CELSR3: variants seen among roughly 807,000 people sequenced by gnomAD.
The protein encoded by CELSR3 is cadherin EGF LAG seven-pass G-type receptor 3, also known as EGF-like protein 1.
A neutral mutation model predicts 270.0 loss-of-function variants in CELSR3; 73 were observed. The observed-to-expected ratio is 0.27, with a 90% CI of 0.22 to 0.33. The LOEUF is 0.33. CELSR3 is among the 10% of genes least tolerant of loss of function. The pLI is 1.00. For synonymous variants in CELSR3, 1,780 were observed against 1,905.4 expected (o/e 0.93, Z 1.71); for missense variants, 3,614 against 4,533.8 (o/e 0.80, Z 5.83).
chr3:48,648,040 C>G (rs73830469), intron 19 of CELSR3, 44 bp from the exon 20 acceptor site: 2 of 1,604,598 alleles, frequency 1.2e-6, no homozygotes, highest in African/African-American at 2.7e-5. Flanking sequence ...GGACCTCTTC[C>G]CCCTGCCAAG....
chr3:48,642,278 C>T lies in CELSR3; in HGVS notation c.8665+80G>A. On this transcript the variant is annotated intron_variant, in intron 31 of 34. Transcript: ENST00000164024. This position sits in a 1 kb window ranked among gnomAD's most constrained non-coding sequence, Gnocchi z 6.1. ...ATCGTCCCACCCCAGTCAGCCACTGCTCCCAGTATGGGGTAGAAGAAAAGG... is the reference window on the plus strand; with the variant it reads ...ATCGTCCCACCCCAGTCAGCCACTGTTCCCAGTATGGGGTAGAAGAAAAGG... 2.1e-6 allele frequency: 3 copies of T among 1,449,032 alleles called. No homozygotes were observed. The highest frequency in any genetic ancestry group is 2.8e-6 in the Non-Finnish European group (3 of 1,069,766). The allele number at this position is 1,449,032 out of a possible 1,614,324, so 89.8% of individuals were successfully genotyped here. A position where few individuals can be genotyped will look rare whatever the true frequency, so the allele number is the denominator to read the frequency against.
intron 34 of CELSR3, 37 bp from the exon 35 acceptor site, chr3:48,638,269 G>C: frequency 6.4e-7 from 1 of 1,566,920 alleles, no homozygotes; most frequent in Non-Finnish European, 8.8e-7. Flanking sequence ...TTGATGCCCA[G>C]AGGACTCCGA....
Position 48,655,189 on chromosome 3 carries a change from C to T in CELSR3, c.4843G>A (p.Ala1615Thr). 1.2e-6 allele frequency: 2 copies of T among 1,613,988 alleles called. No homozygotes were observed. Among genetic ancestry groups the T allele is most frequent in the Non-Finnish European group, 1.7e-6 (2 of 1,179,930 alleles). ...GAGGGGCCCTGTGCACCCCCTAGGG[C>T]ATCTGTCCGGGGCTGAAGACGCAGG... ...LRYYNKPRTDALGGAQGPSKD... is the reference protein window; with the variant it reads ...LRYYNKPRTDTLGGAQGPSKD... Residue 1615 changes from alanine (A) to threonine (T), a missense_variant, in exon 6 of 35, where the codon GCC becomes ACC. By Grantham distance (58) the Ala-to-Thr change is moderately conservative. Around this residue, in one of 7 missense-constraint regions of CELSR3, gnomAD observed 1,331 missense variants for 1,933.7 expected, o/e 0.69. Transcript: ENST00000164024. The surrounding 1 kb of genome is among the most constrained non-coding windows in gnomAD (Gnocchi z 5.8).
Position 48,640,342 on chromosome 3 carries a change from G to A in CELSR3, c.9243C>T (p.Ser3081=). The A allele has an allele frequency of 6.2e-7, 1 of 1,612,702 alleles. No individual in the cohort carries two copies. Among genetic ancestry groups the A allele is most frequent in the Non-Finnish European group, 8.5e-7 (1 of 1,179,900 alleles). Residue 3081 remains serine, a synonymous_variant, in exon 34 of 35, where the codon AGC becomes AGT. Transcript: ENST00000164024. This position sits in a 1 kb window ranked among gnomAD's most constrained non-coding sequence, Gnocchi z 7.5. ...CAGGGGCTTCCTCTAGTCGCTCACG[G>A]CTCAGTTGCCGCCGGAGGAGCAGGT... ...QLDLLLRRQL[S]RERLEEAPAP...
In CELSR3 at chr3:48,645,785, C is replaced by T. The variant is rs116283690; in HGVS notation, c.7547G>A (p.Arg2516Gln). 368 of 1,611,940 alleles carry T rather than the reference C, an allele frequency of 2.3e-4. No individual in the cohort carries two copies. In the African/African-American group the frequency reaches 4.2e-3, roughly 18 times the overall value. ...CATGAGGACCCCAAAGGTCCCTGTC[C>T]GGCTGCAGCGACACCGTGCGTGGGA... ...NGSHARCRCS[R>Q]TGTFGVLMDA... is the part of the protein sequence containing the mutation. The change falls in exon 23 of 35, where the codon CGG (arginine) becomes CAG (glutamine). Residue 2516 changes from arginine (R) to glutamine (Q), a missense_variant. Around this residue, in one of 7 missense-constraint regions of CELSR3, gnomAD observed 1,240 missense variants for 1,351.7 expected, o/e 0.92. Transcript: ENST00000164024. This position sits in a 1 kb window ranked among gnomAD's most constrained non-coding sequence, Gnocchi z 5.4.
rs556086336 is a variant in CELSR3, at chr3:48,657,945, C to A, written c.3749-597G>T. ...TCCTCCAGAATCCTGGGTTATCAAGCTCCAGGGGGGTCTTGAACCCTGACA... is the reference window on the plus strand; with the variant it reads ...TCCTCCAGAATCCTGGGTTATCAAGATCCAGGGGGGTCTTGAACCCTGACA... On this transcript the variant is annotated intron_variant, in intron 1 of 34. Coordinates refer to ENST00000164024, the MANE Select transcript of CELSR3 (RefSeq NM_001407.3). The surrounding 1 kb of genome is among the most constrained non-coding windows in gnomAD (Gnocchi z 5.4). Among the ~76,000 whole-genome samples the A allele has an allele frequency of 1.3e-5, 2 of 152,166 alleles. No individual in the cohort carries two copies. Among genetic ancestry groups the A allele is most frequent in the African/African-American group, 2.4e-5 (1 of 41,414 alleles).
In CELSR3 at chr3:48,662,628, C is replaced by T. The variant is rs1466657577; in HGVS notation, c.7G>A (p.Ala3Thr). ...AGGCCCCGCCACGGCGGCCGCCTCGCCATCATCCCCCGCCTCCCTGCACGG... is the reference window on the plus strand; with the variant it reads ...AGGCCCCGCCACGGCGGCCGCCTCGTCATCATCCCCCGCCTCCCTGCACGG... MM[A>T]RRPPWRGLGG... Residue 3 changes from alanine (A) to threonine (T), a missense_variant, in exon 1 of 35, where the codon GCG becomes ACG. By Grantham distance (58) the Ala-to-Thr change is moderately conservative. Transcript: ENST00000164024. This position sits in a 1 kb window ranked among gnomAD's most constrained non-coding sequence, Gnocchi z 7.1. The T allele has an allele frequency of 4.3e-6, 6 of 1,397,006 alleles. No individual in the cohort carries two copies. Among genetic ancestry groups the T allele is most frequent in the Non-Finnish European group, 5.7e-6 (6 of 1,051,020 alleles). 86.5% of individuals were successfully genotyped at this position (1,397,006 alleles called of 1,614,324 possible). A position where few individuals can be genotyped will look rare whatever the true frequency, so the allele number is the denominator to read the frequency against.
In CELSR3 at chr3:48,654,074, G is replaced by C. The variant is rs1182249843; in HGVS notation, c.5153-71C>G. 5.1e-6 allele frequency: 8 copies of C among 1,577,042 alleles called. No individual in the cohort carries two copies. Among genetic ancestry groups the C allele is most frequent in the Non-Finnish European group, 6.9e-6 (8 of 1,156,104 alleles). ...GGCACAAGTGCTGGACAGGACTTTAGTGTCCAGAGGGGCTGAAAGAGACCA... is the reference window on the plus strand; with the variant it reads ...GGCACAAGTGCTGGACAGGACTTTACTGTCCAGAGGGGCTGAAAGAGACCA... On this transcript the variant is annotated intron_variant, in intron 7 of 34. Transcript: ENST00000164024. The surrounding 1 kb of genome is among the most constrained non-coding windows in gnomAD (Gnocchi z 5.4).
intron 34 of CELSR3, among the ~76,000 whole-genome samples, chr3:48,638,694 C>T (rs1423967666): frequency 6.7e-6 from 1 of 148,178 alleles, no homozygotes; most frequent in Non-Finnish European, 1.5e-5. Flanking sequence ...CCTAGTCTAC[C>T]TCCCAAACAG....
At position 48,640,085 on chromosome 3, in the gene CELSR3, G is replaced by T; in HGVS notation, c.9500C>A (p.Pro3167Gln). ...AGACAGGGGCAGAGGTGGGGGCTGT[G>T]GGTCAAGGTCCCGGGTGCGGCGGGG... ...PPPRRTRDLD[P>Q]QPPPLPLSPQ... The change falls in exon 34 of 35, where the codon CCA (proline) becomes CAA (glutamine). Residue 3167 changes from proline to glutamine, a missense_variant. Physicochemically the swap from Pro to Gln is moderately conservative, Grantham distance 76. Transcript: ENST00000164024. This position sits in a 1 kb window ranked among gnomAD's most constrained non-coding sequence, Gnocchi z 7.5. 1 of 1,610,920 alleles carries T rather than the reference G, an allele frequency of 6.2e-7. No individual in the cohort carries two copies.
Position 48,661,365 on chromosome 3 carries a change from C to T in CELSR3, c.1270G>A (p.Ala424Thr), listed in dbSNP as rs377234475. ...SATTMVAVTVADRNDHSPVFE... is the reference protein window; with the variant it reads ...SATTMVAVTVTDRNDHSPVFE... ...ACCGGCGAGTGGTCGTTGCGGTCGG[C>T]TACTGTCACGGCCACCATCGTGGTG... Residue 424 changes from alanine (A) to threonine (T), a missense_variant, in exon 1 of 35, where the codon GCC (alanine) becomes ACC (threonine). This residue lies in a region of CELSR3 where 354 missense variants were observed against 500.9 expected (regional missense o/e 0.71). Coordinates refer to ENST00000164024, the MANE Select transcript of CELSR3 (RefSeq NM_001407.3). 224 of 1,612,702 alleles carry T rather than the reference C, an allele frequency of 1.4e-4. No individual in the cohort carries two copies. Among genetic ancestry groups the T allele is most frequent in the Non-Finnish European group, 1.7e-4 (206 of 1,179,840 alleles).
rs1429831211 is a variant in CELSR3 at position 48,648,473 on chromosome 3, G to C, written c.6778-12C>G. 1 of 1,529,436 alleles carries C rather than the reference G, an allele frequency of 6.5e-7. No homozygotes were observed. 94.7% of individuals were successfully genotyped at this position (1,529,436 alleles called of 1,614,324 possible). On this transcript the variant is annotated splice_polypyrimidine_tract_variant and intron_variant, in intron 18 of 34. Transcript: ENST00000164024. ...GCCCACAGCAGATTCTGGGAAGACA[G>C]AGATAGAATTGGGTTCAGCCAGGTG...
At position 48,640,280 on chromosome 3, in the gene CELSR3, T is replaced by G; in HGVS notation, c.9305A>C (p.Gln3102Pro). The part of the protein sequence containing the change: ...VLRPLSRPGS[Q>P]ECMDAAPGRL... Reference sequence around the variant, plus strand: ...GCCTGGTGCAGCATCCATGCATTCCTGGGACCCTGGCCGGCTCAGGGGACG... The same window carrying G: ...GCCTGGTGCAGCATCCATGCATTCCGGGGACCCTGGCCGGCTCAGGGGACG... Residue 3102 changes from glutamine (Q) to proline (P), a missense_variant, in exon 34 of 35, where the codon CAG (glutamine) becomes CCG (proline). Coordinates refer to ENST00000164024, the MANE Select transcript of CELSR3 (RefSeq NM_001407.3). This position sits in a 1 kb window ranked among gnomAD's most constrained non-coding sequence, Gnocchi z 7.5. The G allele has an allele frequency of 1.2e-6, 2 of 1,612,858 alleles. No individual in the cohort carries two copies. Among genetic ancestry groups the G allele is most frequent in the Non-Finnish European group, 1.7e-6 (2 of 1,179,994 alleles).
At position 48,642,862 on chromosome 3, in the gene CELSR3, G is replaced by C; in HGVS notation, c.8429C>G (p.Thr2810Arg). 1.2e-6 allele frequency: 2 copies of C among 1,613,206 alleles called. No homozygotes were observed. The highest frequency in any genetic ancestry group is 8.5e-7 in the Non-Finnish European group (1 of 1,179,932). ...PGLGPGAYNN[T>R]ALFEESGLIR... is the part of the protein sequence containing the mutation. ...GAGGCCACTCTCCTCAAAGAGAGCC[G>C]TGTTGTTGTAGGCCCCAGGTCCCTG... Residue 2810 changes from threonine (T) to arginine (R), a missense_variant, in exon 30 of 35, where the codon ACG (threonine) becomes AGG (arginine). Thr to Arg is a moderately conservative substitution (Grantham distance 71). Around this residue, in one of 7 missense-constraint regions of CELSR3, gnomAD observed 1,240 missense variants for 1,351.7 expected, o/e 0.92. Transcript: ENST00000164024. This position sits in a 1 kb window ranked among gnomAD's most constrained non-coding sequence, Gnocchi z 6.1.
chr3:48,643,854 A>G, intron 27 of CELSR3, 177 bp from the exon 28 acceptor site: 1 of 700,368 alleles, frequency 1.4e-6, no homozygotes. Flanking sequence ...ACAAAGAAAC[A>G]GGAGAGCAGT....
rs559284428 is a variant in CELSR3, at chr3:48,646,473, C to T, written c.7296-216G>A. 1.3e-5 allele frequency among the ~76,000 whole-genome samples: 2 copies of T among 152,336 alleles called. No homozygotes were observed. Among genetic ancestry groups the T allele is most frequent in the Admixed American group, 1.3e-4 (2 of 15,310 alleles). ...GCAACTGTTTGCCTCTGATTGCCCTCCCTCCTACCCCCATCAGTCAGCCTG... is the reference window on the plus strand; with the variant it reads ...GCAACTGTTTGCCTCTGATTGCCCTTCCTCCTACCCCCATCAGTCAGCCTG... On this transcript the variant is annotated intron_variant, in intron 21 of 34. Coordinates refer to ENST00000164024, the MANE Select transcript of CELSR3 (RefSeq NM_001407.3). This position sits in a 1 kb window ranked among gnomAD's most constrained non-coding sequence, Gnocchi z 4.8.
chr3:48,642,576 G>T lies in CELSR3; in HGVS notation c.8556-109C>A, dbSNP rs2047037804. 7.0e-7 allele frequency: 1 copy of T among 1,423,336 alleles called. No homozygotes were observed. The highest frequency in any genetic ancestry group is 9.5e-7 in the Non-Finnish European group (1 of 1,048,916). The allele number at this position is 1,423,336 out of a possible 1,614,324, so 88.2% of individuals were successfully genotyped here. Reference sequence around the variant, plus strand: ...AGCTGCGGGTGGAATGGCATCCCTGGGTGTGTGTGGTGGGAAGCATTTAGG... The same window carrying T: ...AGCTGCGGGTGGAATGGCATCCCTGTGTGTGTGTGGTGGGAAGCATTTAGG... On this transcript the variant is annotated intron_variant, in intron 30 of 34. Coordinates refer to ENST00000164024, the MANE Select transcript of CELSR3 (RefSeq NM_001407.3). The surrounding 1 kb of genome is among the most constrained non-coding windows in gnomAD (Gnocchi z 6.1).
rs756895247 is a variant in CELSR3 at position 48,650,464 on chromosome 3, C to G, written c.6472+16G>C. 6 of 941,018 alleles carry G rather than the reference C, an allele frequency of 6.4e-6. No individual in the cohort carries two copies. Among genetic ancestry groups the G allele is most frequent in the Non-Finnish European group, 9.7e-6 (6 of 621,634 alleles). The allele number at this position is 941,018 out of a possible 1,614,324, so 58.3% of individuals were successfully genotyped here. On this transcript the variant is annotated intron_variant, in intron 16 of 34. Coordinates refer to ENST00000164024, the MANE Select transcript of CELSR3 (RefSeq NM_001407.3). This position sits in a 1 kb window ranked among gnomAD's most constrained non-coding sequence, Gnocchi z 5.1. ...ACCCCCACCCTCAGTGATGTCCTTT[C>G]CCCCCACATACTCACCCAGGGCCCC... is the stretch of plus-strand genomic sequence containing the variant.
At position 48,639,944 on chromosome 3, in the gene CELSR3, C is replaced by T. The variant is rs776372947; in HGVS notation, c.9641G>A (p.Arg3214Gln). The T allele has an allele frequency of 8.1e-6, 13 of 1,612,868 alleles. No homozygotes were observed. The highest frequency in any genetic ancestry group is 3.3e-5 in the South Asian group (3 of 91,090). Residue 3214 changes from arginine to glutamine, a missense_variant, in exon 34 of 35, where the codon CGA (arginine) becomes CAA (glutamine). Physicochemically the swap from Arg to Gln is conservative, Grantham distance 43 (BLOSUM62 1). This residue lies in a region of CELSR3 where 1,240 missense variants were observed against 1,351.7 expected (regional missense o/e 0.92). Transcript: ENST00000164024. The surrounding 1 kb of genome is among the most constrained non-coding windows in gnomAD (Gnocchi z 4.1). ...CTGCGGGAGTGGCCCAAGGGCTTCT[C>T]GTGAGGGGTGCCGGCTAGGCACCTG... ...LDQVPSRHPS[R>Q]EALGPLPQLL... is the part of the protein sequence containing the mutation.
Sources: gnomAD v4.1 joint callset for allele counts (sites outside exome capture counted in the v4.1 genomes callset) on GRCh38, gnomAD v4.1.1 for gene constraint, gnomAD v4.1.1 regional missense constraint, Gnocchi (gnomAD v3.1) non-coding constraint, MANE v1.5 for transcripts, NCBI Gene and HGNC (gene_info 2026-07-23, HGNC 2026-07-21) for gene names.